The following NRG3 variants were observed in gnomAD, a reference collection of about 807,000 sequenced individuals.
NRG3 encodes the protein neuregulin 3, also known as pro-neuregulin-3, membrane-bound isoform.
A neutral mutation model predicts 66.9 loss-of-function variants in NRG3; 31 were observed. The ratio of observed to expected loss-of-function variants is 0.46; its 90% CI spans 0.35 to 0.63. The LOEUF (loss-of-function observed/expected upper bound fraction) is 0.63, where lower values mean the gene tolerates loss of function less well. NRG3 is among the 20% of genes least tolerant of loss of function. The pLI is 0.00. For synonymous variants in NRG3, 393 were observed against 359.4 expected (o/e 1.09, Z -1.06); for missense variants, 910 against 878.9 (o/e 1.04, Z -0.45).
chr10:82,106,982 C>G (rs932650062), intron 1 of NRG3, among the ~76,000 whole-genome samples: 2 of 152,226 alleles, frequency 1.3e-5, no homozygotes, highest in African/African-American at 4.8e-5. Context: ...ACTTAAAGAA[C>G]CCCTGTAAGC....
At chr10:82,043,703 A>T (rs2063142865) in intron 1 of NRG3, among the ~76,000 whole-genome samples, 2 of 152,018 alleles carry the variant, frequency 1.3e-5, no homozygotes, top group Admixed American at 6.6e-5. Context: ...TATATTTTTG[A>T]TGATCTAATG....
At chr10:82,511,284 A>G (rs1845140085) in intron 2 of NRG3, among the ~76,000 whole-genome samples, 1 of 152,196 alleles carries the variant, frequency 6.6e-6, no homozygotes, top group African/African-American at 2.4e-5. Flanking sequence ...GAGGAAGGAA[A>G]AAAAAGAAAA....
intron 1 of NRG3, among the ~76,000 whole-genome samples, chr10:82,100,819 G>C (rs2132107260): frequency 1.3e-5 from 2 of 151,806 alleles, no homozygotes; most frequent in African/African-American, 4.8e-5. Flanking sequence ...ATATTGGCCT[G>C]TCATTTTCTT....
chr10:82,820,331 A>C (rs894803869), intron 3 of NRG3, among the ~76,000 whole-genome samples: 1 of 152,172 alleles, frequency 6.6e-6, no homozygotes, highest in Non-Finnish European at 1.5e-5. Context: ...GCATATATTA[A>C]ATTCCTAATA....
At chr10:81,982,282 A>T (rs1394360707) in intron 1 of NRG3, among the ~76,000 whole-genome samples, 1 of 152,128 alleles carries the variant, frequency 6.6e-6, no homozygotes, top group Admixed American at 6.5e-5. Flanking sequence ...TCTTTCCTCT[A>T]GTGTCAAAAA....
chr10:82,004,637 T>TA (rs2061315372), intron 1 of NRG3, among the ~76,000 whole-genome samples: 1 of 152,202 alleles, frequency 6.6e-6, no homozygotes, highest in South Asian at 2.1e-4. Flanking sequence ...ATGTGTATGT[T>TA]AAAGTTCTAA....
intron 2 of NRG3, among the ~76,000 whole-genome samples, chr10:82,540,871 C>T (rs1044026673): frequency 6.6e-6 from 1 of 152,102 alleles, no homozygotes; most frequent in African/African-American, 2.4e-5. Flanking sequence ...ACCCCCAGTA[C>T]CTCAGGATGT....
At chr10:82,294,347 A>G (rs916280756) in intron 1 of NRG3, among the ~76,000 whole-genome samples, 7 of 152,318 alleles carry the variant, frequency 4.6e-5, no homozygotes, top group African/African-American at 1.7e-4. Context: ...TGCCATTTCT[A>G]GACCCATTTC....
chr10:82,814,057 C>T (rs77251588), intron 3 of NRG3, among the ~76,000 whole-genome samples: 2,135 of 152,306 alleles, frequency 0.014, 30 homozygotes, highest in Non-Finnish European at 0.018. Context: ...CATTGCTAAT[C>T]ATTGTTCACC....
chr10:82,241,782 A>C (rs1162380026), intron 1 of NRG3, among the ~76,000 whole-genome samples: 1 of 152,164 alleles, frequency 6.6e-6, no homozygotes, highest in East Asian at 1.9e-4. Flanking sequence ...GGCATTAAAG[A>C]ATGACTTTTC....
At chr10:82,498,877 AC>A (rs1409019308) in intron 2 of NRG3, among the ~76,000 whole-genome samples, 1 of 152,108 alleles carries the variant, frequency 6.6e-6, no homozygotes, top group African/African-American at 2.4e-5. Context: ...ATTAAGGTAC[AC>A]AGTGTATTAT....
intron 2 of NRG3, among the ~76,000 whole-genome samples, chr10:82,672,261 G>A (rs926661187): frequency 6.6e-6 from 1 of 152,160 alleles, no homozygotes; most frequent in Non-Finnish European, 1.5e-5. Context: ...AGGAGCTGAG[G>A]CCATGAGGAG....
Position 81,957,276 on chromosome 10 carries a change from A to G in NRG3, c.823+81113A>G, listed in dbSNP as rs186264779. On this transcript the variant is annotated intron_variant, in intron 1 of 8. Coordinates refer to ENST00000372141, the MANE Select transcript of NRG3 (RefSeq NM_001010848.4). ...AACTTAGGGTGTTGTTAGGCTACTG[A>G]AATTTTAGAGCTCATTCATTATAGT... Among the ~76,000 whole-genome samples the G allele has an allele frequency of 1.1e-4, 16 of 152,254 alleles. No homozygotes were observed. In the East Asian group the frequency reaches 3.1e-3, roughly 29 times the overall value.
chr10:82,847,002 G>C (rs1283542324), intron 3 of NRG3, among the ~76,000 whole-genome samples: 2 of 152,146 alleles, frequency 1.3e-5, no homozygotes, highest in Non-Finnish European at 2.9e-5. Flanking sequence ...CAGAGGTGTA[G>C]GAGTCTGGGG....
chr10:82,760,856 G>T (rs1444810396), intron 3 of NRG3, among the ~76,000 whole-genome samples: 3 of 151,528 alleles, frequency 2.0e-5, no homozygotes, highest in Non-Finnish European at 4.4e-5. Context: ...ACATGGCAAT[G>T]GCATACATAA....
intron 3 of NRG3, among the ~76,000 whole-genome samples, chr10:82,833,237 G>T (rs2048758886): frequency 6.6e-6 from 1 of 152,150 alleles, no homozygotes; most frequent in Admixed American, 6.6e-5. Context: ...CATGTCATCT[G>T]TTAATTGTCA....
At chr10:82,309,799 A>G (rs915204443) in intron 1 of NRG3, among the ~76,000 whole-genome samples, 1 of 152,200 alleles carries the variant, frequency 6.6e-6, no homozygotes, top group East Asian at 1.9e-4. Flanking sequence ...TGAAGGTGTG[A>G]GCAGGTAAAT....
intron 1 of NRG3, among the ~76,000 whole-genome samples, chr10:82,314,989 G>T (rs1329179330): frequency 6.6e-6 from 1 of 151,992 alleles, no homozygotes; most frequent in Non-Finnish European, 1.5e-5. Context: ...ACAATCTCTA[G>T]CTGAATGTAT....
chr10:82,564,985 T>A (rs1008659739), intron 2 of NRG3, among the ~76,000 whole-genome samples: 1 of 152,082 alleles, frequency 6.6e-6, no homozygotes, highest in African/African-American at 2.4e-5. Context: ...CCTTGTGTGC[T>A]TAGATGACTA....
Sources: gnomAD v4.1 joint callset for allele counts (sites outside exome capture counted in the v4.1 genomes callset) on GRCh38, gnomAD v4.1.1 for gene constraint, MANE v1.5 for transcripts, NCBI Gene and HGNC (gene_info 2026-07-23, HGNC 2026-07-21) for gene names.